The following ANKRD30A variants were observed in gnomAD, a reference collection of about 807,000 sequenced individuals.
ANKRD30A encodes the protein ankyrin repeat domain 30A.
In ANKRD30A, 170 loss-of-function variants were observed where a neutral mutation model predicts 166.3. That is an observed-to-expected ratio of 1.02 (90% CI 0.90 to 1.16). The LOEUF is 1.16. Ranked by LOEUF, ANKRD30A falls within the 50% of genes most tolerant of loss-of-function variation. The probability of loss-of-function intolerance (pLI) is 0.00; values close to 1 mark genes in which losing one functional copy is unlikely to be tolerated. For missense variants in ANKRD30A, 1,630 were observed against 1,518.0 expected (o/e 1.07, Z -1.23); for synonymous variants, 564 against 508.9 (o/e 1.11, Z -1.46).
chr10:37,265,579 G>A, the ANKRD30A span, among the ~76,000 whole-genome samples: 2 of 152,176 alleles, frequency 1.3e-5, no homozygotes, highest in Non-Finnish European at 2.9e-5. Flanking sequence ...AATGCCCACT[G>A]CCCAGGCCTG....
intron 34 of ANKRD30A, among the ~76,000 whole-genome samples, chr10:37,228,329 A>G (rs149723460): frequency 1.3e-5 from 2 of 152,136 alleles, no homozygotes; most frequent in East Asian, 3.9e-4. Context: ...AACTTGAAGT[A>G]CAGTGAAGGA....
At chr10:37,156,072 C>T (rs538168379) in intron 13 of ANKRD30A, among the ~76,000 whole-genome samples, 6 of 143,798 alleles carry the variant, frequency 4.2e-5, no homozygotes, top group African/African-American at 1.3e-4. Flanking sequence ...CAGAGTGATA[C>T]GCTATCAAAA....
chr10:37,254,251 G>A, the ANKRD30A span, among the ~76,000 whole-genome samples: 2 of 152,106 alleles, frequency 1.3e-5, no homozygotes, highest in East Asian at 3.9e-4. Context: ...GAATTGCTAG[G>A]TCATAAGCTA....
chr10:37,214,865 T>C (rs573904245), intron 31 of ANKRD30A, among the ~76,000 whole-genome samples: 1 of 151,424 alleles, frequency 6.6e-6, no homozygotes, highest in Non-Finnish European at 1.5e-5. Flanking sequence ...TTTAGCCAAT[T>C]TTTCCTCAAA....
the ANKRD30A span, among the ~76,000 whole-genome samples, chr10:37,256,461 A>G: frequency 1.3e-5 from 2 of 152,148 alleles, no homozygotes; most frequent in Admixed American, 6.6e-5. Context: ...CCATCATTTT[A>G]GTGTGGAACT....
In ANKRD30A at chr10:37,190,680, G is replaced by A. The variant is rs187102778; in HGVS notation, c.2512+1123G>A. Among the ~76,000 whole-genome samples the A allele has an allele frequency of 2.6e-4, 40 of 151,800 alleles. 2 individuals are homozygous for A. The highest frequency in any genetic ancestry group is 4.2e-4 in the South Asian group (2 of 4,792). On this transcript the variant is annotated intron_variant, in intron 25 of 35. Transcript: ENST00000361713. ...AAGGAAAATGGAGTGAGCTCACTTC[G>A]GAAGCATTTAGAAAAGTTTTACTGC...
At chr10:37,206,544 C>A (rs1214946927) in intron 31 of ANKRD30A, among the ~76,000 whole-genome samples, 1 of 152,154 alleles carries the variant, frequency 6.6e-6, no homozygotes, top group Non-Finnish European at 1.5e-5. Flanking sequence ...AATCCCAGCA[C>A]TTTGGGAGGC....
At chr10:37,158,966 A>T (rs1385613342) in intron 15 of ANKRD30A, among the ~76,000 whole-genome samples, 1 of 152,190 alleles carries the variant, frequency 6.6e-6, no homozygotes, top group African/African-American at 2.4e-5. Flanking sequence ...CTGACATGAC[A>T]GTTGTGAGTG....
intron 24 of ANKRD30A, among the ~76,000 whole-genome samples, chr10:37,179,018 AT>A: frequency 2.3e-4 from 1 of 4,362 alleles, no homozygotes; most frequent in East Asian, 5.1e-3. Flanking sequence ...CGTCAAATAT[AT>A]ATATATATAT....
rs1176390495 is a variant in ANKRD30A at position 37,162,670 on chromosome 10, C to G, written c.1922C>G (p.Ala641Gly). Residue 641 changes from alanine (A) to glycine (G), a missense_variant, in exon 16 of 36, where the codon GCC becomes GGC. Physicochemically the swap from Ala to Gly is moderately conservative, Grantham distance 60. Coordinates refer to ENST00000361713, the MANE Select transcript of ANKRD30A (RefSeq NM_052997.3). The stretch of plus-strand genomic sequence containing the variant: ...TTAGAGCCTCCGGGGAAGCCATCTG[C>G]CTTCGAGGTATTTAGTTTTATGATT... ...FKAEPPGKPS[A>G]FEPATEMQKS... 1 of 1,612,242 alleles carries G rather than the reference C, an allele frequency of 6.2e-7. No individual in the cohort carries two copies. The highest frequency in any genetic ancestry group is 1.3e-5 in the African/African-American group (1 of 74,810).
At chr10:37,263,092 T>C in the ANKRD30A span, among the ~76,000 whole-genome samples, 18 of 152,274 alleles carry the variant, frequency 1.2e-4, no homozygotes, top group Non-Finnish European at 1.5e-4. Context: ...CAGTCTCTTA[T>C]TTTAGACATT....
chr10:37,146,435 TGCAGTATG>T (rs1837519679), intron 8 of ANKRD30A, among the ~76,000 whole-genome samples: 1 of 152,242 alleles, frequency 6.6e-6, no homozygotes, highest in African/African-American at 2.4e-5. Context: ...CAGTGTTTAA[TGCAGTATG>T]TATTTGCGGC....
the ANKRD30A span, among the ~76,000 whole-genome samples, chr10:37,260,649 C>A: frequency 2.6e-5 from 4 of 152,138 alleles, no homozygotes; most frequent in Non-Finnish European, 5.9e-5. Flanking sequence ...GATCTTGATT[C>A]TTTCATAAAA....
chr10:37,193,811 T>C (rs571143043), intron 27 of ANKRD30A, among the ~76,000 whole-genome samples: 2 of 152,264 alleles, frequency 1.3e-5, no homozygotes, highest in Admixed American at 6.5e-5. Context: ...CATTTGGCCT[T>C]GGTGTCTTTT....
At chr10:37,202,001 G>A (rs1033758904) in intron 31 of ANKRD30A, among the ~76,000 whole-genome samples, 1 of 152,028 alleles carries the variant, frequency 6.6e-6, no homozygotes, top group Non-Finnish European at 1.5e-5. Context: ...CAGCTGACTT[G>A]GGATTCTGCA....
intron 7 of ANKRD30A, among the ~76,000 whole-genome samples, chr10:37,144,681 G>A (rs545482004): frequency 1.3e-5 from 2 of 152,266 alleles, no homozygotes; most frequent in African/African-American, 2.4e-5. Context: ...TTATCTGAGT[G>A]AACAGCAAAT....
chr10:37,202,295 C>T (rs1841676232), intron 31 of ANKRD30A, among the ~76,000 whole-genome samples: 1 of 152,152 alleles, frequency 6.6e-6, no homozygotes, highest in Admixed American at 6.5e-5. Context: ...GTCTCTCAGA[C>T]CACAGTGCAA....
At chr10:37,264,763 C>G in the ANKRD30A span, 1 of 161,424 alleles carries the variant, frequency 6.2e-6, no homozygotes, top group Admixed American at 6.4e-5. Flanking sequence ...GGTGCTACCT[C>G]TTTCTGTCAG....
At chr10:37,197,894 G>T (rs1361420247) in intron 29 of ANKRD30A, among the ~76,000 whole-genome samples, 1 of 151,926 alleles carries the variant, frequency 6.6e-6, no homozygotes, top group Non-Finnish European at 1.5e-5. Flanking sequence ...CTCGTTTCCA[G>T]TGTTGTCACT....
Sources: allele counts gnomAD v4.1 joint callset (sites outside exome capture counted in the v4.1 genomes callset), GRCh38; gene constraint gnomAD v4.1.1; transcripts MANE v1.5; gene names NCBI Gene and HGNC (gene_info 2026-07-23, HGNC 2026-07-21).